The following MYO1E variants were observed in gnomAD, a reference collection of about 807,000 sequenced individuals.
MYO1E encodes myosin IE, also known as unconventional myosin-Ie.
In MYO1E, 68 loss-of-function variants were observed where a neutral mutation model predicts 151.1. That is an observed-to-expected ratio of 0.45 (90% CI 0.37 to 0.55). The LOEUF is 0.55. MYO1E is among the 20% of genes least tolerant of loss of function. The pLI is 0.00. For missense variants in MYO1E, 1,363 were observed against 1,389.3 expected (o/e 0.98, Z 0.30); for synonymous variants, 601 against 501.7 (o/e 1.20, Z -2.64).
At position 59,290,830 on chromosome 15, in the gene MYO1E, T is replaced by C. The variant is rs149275323; in HGVS notation, c.4-18381A>G. ...CTGCAAAGTCAGAGCTGGTAGTAAA[T>C]GCTGGGTTCCCTTGCTGTACTGACA... On this transcript the variant is annotated intron_variant, in intron 1 of 27. Coordinates refer to ENST00000288235, the MANE Select transcript of MYO1E (RefSeq NM_004998.4). Among the ~76,000 whole-genome samples the C allele has an allele frequency of 7.2e-4, 110 of 152,288 alleles. 1 individual carries two copies. In the East Asian group the frequency reaches 0.018, roughly 25 times the overall value.
chr15:59,193,441 G>A (rs542333613), intron 17 of MYO1E, among the ~76,000 whole-genome samples: 1 of 152,288 alleles, frequency 6.6e-6, no homozygotes, highest in Non-Finnish European at 1.5e-5. Context: ...TGACAATGCT[G>A]CTACCCTCTT....
chr15:59,201,545 C>T (rs528958294), intron 16 of MYO1E, among the ~76,000 whole-genome samples: 10 of 152,092 alleles, frequency 6.6e-5, no homozygotes, highest in South Asian at 6.2e-4. Context: ...GCTGGGATTA[C>T]ACTCACGTGC....
At chr15:59,273,066 T>A (rs2140382809) in intron 1 of MYO1E, among the ~76,000 whole-genome samples, 1 of 152,352 alleles carries the variant, frequency 6.6e-6, no homozygotes, top group South Asian at 2.1e-4. Flanking sequence ...ATAGGCTACA[T>A]TTTTATGACT....
chr15:59,355,046 C>T (rs1160784737), intron 1 of MYO1E, among the ~76,000 whole-genome samples: 4 of 152,172 alleles, frequency 2.6e-5, no homozygotes, highest in African/African-American at 9.7e-5. Flanking sequence ...CATTCACTGG[C>T]GGCTGCCTTG....
At chr15:59,366,499 CA>C (rs1192996676) in intron 1 of MYO1E, among the ~76,000 whole-genome samples, 2 of 151,650 alleles carry the variant, frequency 1.3e-5, no homozygotes, top group Non-Finnish European at 1.5e-5. Flanking sequence ...CCACACCCGG[CA>C]AAAAAATAGG....
intron 17 of MYO1E, among the ~76,000 whole-genome samples, chr15:59,194,776 A>G (rs767196221): frequency 2.6e-5 from 4 of 152,024 alleles, no homozygotes; most frequent in Non-Finnish European, 5.9e-5. Context: ...TCTAGCCACC[A>G]CCTTAACAGG....
chr15:59,354,020 A>G (rs1303055509), intron 1 of MYO1E, among the ~76,000 whole-genome samples: 4 of 152,228 alleles, frequency 2.6e-5, no homozygotes, highest in Non-Finnish European at 5.9e-5. Context: ...TCTACCACAC[A>G]CTAAGAAAAA....
chr15:59,221,986 G>A (rs1279992818), intron 9 of MYO1E, among the ~76,000 whole-genome samples: 1 of 152,158 alleles, frequency 6.6e-6, no homozygotes, highest in Non-Finnish European at 1.5e-5. Flanking sequence ...TGTACACAAA[G>A]TTTAGAAACA....
At position 59,205,464 on chromosome 15, in the gene MYO1E, A is replaced by G. The variant is rs1397515741; in HGVS notation, c.1552T>C (p.Phe518Leu). 1.2e-6 allele frequency: 2 copies of G among 1,614,208 alleles called. No homozygotes were observed. The highest frequency in any genetic ancestry group is 1.7e-6 in the Non-Finnish European group (2 of 1,180,002). The change falls in exon 15 of 28, where the codon TTT becomes CTT. Residue 518 changes from phenylalanine to leucine, a missense_variant. By Grantham distance (22) the Phe-to-Leu change is conservative. Coordinates refer to ENST00000288235, the MANE Select transcript of MYO1E (RefSeq NM_004998.4). ...AGKVSYDMDG[F>L]CERNRDVLFM... ...AGCACATCCCGGTTCCTTTCACAAA[A>G]GCCATCCATGTCATAGGATACCTGG...
chr15:59,217,751 C>A, intron 10 of MYO1E, 140 bp downstream of exon 10: 1 of 969,586 alleles, frequency 1.0e-6, no homozygotes, highest in South Asian at 1.4e-5. Context: ...TGGTCTCAAA[C>A]TCCTGGGCTG....
chr15:59,272,370 G>T lies in MYO1E; in HGVS notation c.83C>A (p.Ser28Tyr). 1 of 1,614,084 alleles carries T rather than the reference G, an allele frequency of 6.2e-7. No individual in the cohort carries two copies. Among genetic ancestry groups the T allele is most frequent in the Admixed American group, 1.7e-5 (1 of 60,026 alleles). Residue 28 changes from serine to tyrosine, a missense_variant, in exon 2 of 28, where the codon TCC becomes TAC. Transcript: ENST00000288235. Reference protein sequence around the residue: ...HSGVDDMVLLSKITENSIVEN... With the variant: ...HSGVDDMVLLYKITENSIVEN... The stretch of plus-strand genomic sequence containing the variant: ...CACGATGGAGTTCTCTGTGATCTTG[G>T]ACAGTAGCACCATGTCGTCCACACC...
intron 4 of MYO1E, among the ~76,000 whole-genome samples, chr15:59,247,312 G>A (rs1300005050): frequency 6.6e-6 from 1 of 152,140 alleles, no homozygotes; most frequent in African/African-American, 2.4e-5. Flanking sequence ...TCTGTCCTAT[G>A]GTATATGGTA....
chr15:59,332,939 TG>T (rs1268433474), intron 1 of MYO1E, among the ~76,000 whole-genome samples: 4 of 152,186 alleles, frequency 2.6e-5, no homozygotes, highest in Non-Finnish European at 5.9e-5. Context: ...TGTTTCCTAC[TG>T]TGTAGACAAA....
intron 4 of MYO1E, among the ~76,000 whole-genome samples, chr15:59,238,119 A>T (rs1458840097): frequency 1.3e-5 from 2 of 152,212 alleles, no homozygotes; most frequent in African/African-American, 4.8e-5. Flanking sequence ...GCCTGGGACG[A>T]GGTGTCACAC....
intron 19 of MYO1E, among the ~76,000 whole-genome samples, chr15:59,175,793 A>C (rs973255263): frequency 1.3e-5 from 2 of 152,250 alleles, no homozygotes; most frequent in African/African-American, 4.8e-5. Context: ...AAGGATGAAC[A>C]GGCAAACGAT....
intron 18 of MYO1E, 58 bp downstream of exon 18, chr15:59,188,060 T>C (rs2079709525): frequency 7.7e-7 from 1 of 1,306,544 alleles, no homozygotes; most frequent in Middle Eastern, 1.8e-4. Context: ...ATTGTATAGA[T>C]TTGAATTATA....
chr15:59,284,537 C>T (rs1869834176), intron 1 of MYO1E, among the ~76,000 whole-genome samples: 1 of 151,892 alleles, frequency 6.6e-6, no homozygotes, highest in Non-Finnish European at 1.5e-5. Flanking sequence ...GAGGCCTCAA[C>T]CTCCAGGGCT....
intron 4 of MYO1E, among the ~76,000 whole-genome samples, chr15:59,244,221 G>A (rs1310372299): frequency 6.6e-6 from 1 of 152,148 alleles, no homozygotes; most frequent in Non-Finnish European, 1.5e-5. Context: ...CACCTACTCT[G>A]CCAAGAATAT....
intron 1 of MYO1E, among the ~76,000 whole-genome samples, chr15:59,288,179 TTTC>T (rs1400237198): frequency 6.6e-6 from 1 of 152,118 alleles, no homozygotes; most frequent in Non-Finnish European, 1.5e-5. Context: ...TAATCTTTCT[TTTC>T]TTTTCTTTTT....
Sources: allele counts gnomAD v4.1 joint callset (sites outside exome capture counted in the v4.1 genomes callset), GRCh38; gene constraint gnomAD v4.1.1; transcripts MANE v1.5; gene names NCBI Gene and HGNC (gene_info 2026-07-23, HGNC 2026-07-21).